DCBLD1: variants seen among roughly 807,000 people sequenced by gnomAD.
DCBLD1 encodes discoidin, CUB and LCCL domain containing 1.
In DCBLD1, 57 loss-of-function variants were observed where a neutral mutation model predicts 71.5. That is an observed-to-expected ratio of 0.80 (90% confidence interval 0.64 to 0.99). The LOEUF (loss-of-function observed/expected upper bound fraction) is 0.99. DCBLD1 is among the 50% of genes least tolerant of loss of function. The pLI is 0.00. For synonymous variants in DCBLD1, 380 were observed against 363.8 expected, an observed-to-expected ratio of 1.04 and a Z score of -0.51; for missense variants, 891 against 923.5, an observed-to-expected ratio of 0.96 and a Z score of 0.46.
intron 1 of DCBLD1, among the ~76,000 whole-genome samples, chr6:117,494,589 G>GT (rs370543568): frequency 1.6e-3 from 238 of 147,118 alleles, no homozygotes; most frequent in Middle Eastern, 3.6e-3. Flanking sequence ...GTACAAACAA[G>GT]TTTTTTTTTT....
intron 6 of DCBLD1, among the ~76,000 whole-genome samples, chr6:117,533,773 C>T (rs947447821): frequency 6.6e-6 from 1 of 152,028 alleles, no homozygotes; most frequent in Non-Finnish European, 1.5e-5. Flanking sequence ...GACTGAGGAG[C>T]AATGTTAGAG....
At chr6:117,488,601 T>C (rs900225458) in intron 1 of DCBLD1, among the ~76,000 whole-genome samples, 1 of 152,144 alleles carries the variant, frequency 6.6e-6, no homozygotes, top group Non-Finnish European at 1.5e-5. Flanking sequence ...GCTGTGATGC[T>C]GCCACCGTAC....
At chr6:117,563,510 T>C in intron 14 of DCBLD1, 3 of 836,418 alleles carry the variant, frequency 3.6e-6, no homozygotes, top group Non-Finnish European at 5.7e-6. Context: ...TAACCTGAGG[T>C]TAGGGGTTCG....
Position 117,548,667 on chromosome 6 carries a change from G to T in DCBLD1, c.*228G>T, listed in dbSNP as rs1309559005. ...GGGTGCGTCTGTTGGGTTTTGTTGG[G>T]CTAGAAAAATGAAAATTTTCAGATG... is the stretch of plus-strand genomic sequence containing the variant. On this transcript the variant is annotated 3_prime_UTR_variant, in exon 15 of 15. Transcript: ENST00000338728. The T allele has an allele frequency of 2.1e-6, 3 of 1,414,414 alleles. No individual in the cohort carries two copies. Among genetic ancestry groups the T allele is most frequent in the Non-Finnish European group, 2.7e-6 (3 of 1,090,918 alleles). The allele number at this position is 1,414,414 out of a possible 1,614,324, so 87.6% of individuals were successfully genotyped here.
intron 14 of DCBLD1, chr6:117,560,635 CGTCT>C: frequency 5.1e-6 from 1 of 195,226 alleles, no homozygotes; most frequent in Non-Finnish European, 1.1e-5. Context: ...ACAAAATTTT[CGTCT>C]TTCTCAAATT....
Position 117,485,802 on chromosome 6 carries a change from TTTTG to T in DCBLD1, c.112+2913_112+2916del, listed in dbSNP as rs557614614. On this transcript the variant is annotated intron_variant, in intron 1 of 14. Coordinates refer to ENST00000338728, the MANE Select transcript of DCBLD1 (RefSeq NM_001366458.2). Reference sequence around the variant, plus strand: ...TACATCTGCTGCTTCTACTAATTAATTTTGTTTATCAAGCCCAGCTCTCTTGGCA... The same window carrying T: ...TACATCTGCTGCTTCTACTAATTAATTTTATCAAGCCCAGCTCTCTTGGCA... Among the ~76,000 whole-genome samples the T allele has an allele frequency of 7.0e-3, 1,074 of 152,346 alleles. 8 individuals are homozygous for T. The highest frequency in any genetic ancestry group is 0.012 in the Non-Finnish European group (784 of 68,026).
rs1249296096 is a variant in DCBLD1 at position 117,532,346 on chromosome 6, G to A, written c.672G>A (p.Gly224=). 6.2e-7 allele frequency: 1 copy of A among 1,613,454 alleles called. No homozygotes were observed. The highest frequency in any genetic ancestry group is 8.5e-7 in the Non-Finnish European group (1 of 1,179,826). Reference sequence around the variant, plus strand: ...AGATCAGTGTGCTTCAGCGCAAAGGGATCAGTCGATATGAAGGGATTCTGG... The same window carrying A: ...AGATCAGTGTGCTTCAGCGCAAAGGAATCAGTCGATATGAAGGGATTCTGG... ...GGQISVLQRK[G]ISRYEGILAN... is the part of the protein sequence containing the mutation. Residue 224 remains glycine (G), a synonymous_variant, in exon 6 of 15, where the codon GGG becomes GGA. Coordinates refer to ENST00000338728, the MANE Select transcript of DCBLD1 (RefSeq NM_001366458.2).
rs140767408 is a variant in DCBLD1 at position 117,499,083 on chromosome 6, T to C, written c.113-4684T>C. 2.5e-3 allele frequency among the ~76,000 whole-genome samples: 385 copies of C among 151,716 alleles called. 2 individuals carry two copies. The highest frequency in any genetic ancestry group is 0.014 in the Middle Eastern group (4 of 294). On this transcript the variant is annotated intron_variant, in intron 1 of 14. Coordinates refer to ENST00000338728, the MANE Select transcript of DCBLD1 (RefSeq NM_001366458.2). The stretch of plus-strand genomic sequence containing the variant: ...ACTGTATTTCATAGAGAGCTTTTTT[T>C]TGCAGATCTGTTTAATGCTTTAATT...
intron 11 of DCBLD1, among the ~76,000 whole-genome samples, chr6:117,542,910 G>C (rs1303330855): frequency 2.6e-5 from 4 of 152,094 alleles, no homozygotes; most frequent in African/African-American, 7.2e-5. Flanking sequence ...ACTGTCTCTG[G>C]GGGGCTGGGG....
chr6:117,540,434 G>A (rs915962713), intron 9 of DCBLD1: 20 of 476,846 alleles, frequency 4.2e-5, no homozygotes, highest in Non-Finnish European at 7.1e-5. Flanking sequence ...GGCAATTTTA[G>A]CTTCTTTATC....
At chr6:117,545,304 T>C (rs1444444350) in intron 13 of DCBLD1, among the ~76,000 whole-genome samples, 174 bp from the exon 14 acceptor site, 1 of 152,150 alleles carries the variant, frequency 6.6e-6, no homozygotes, top group Non-Finnish European at 1.5e-5. Context: ...TAGTGTTTGC[T>C]GTTGTGGTTA....
intron 6 of DCBLD1, among the ~76,000 whole-genome samples, chr6:117,533,528 TTTAAGTGTA>T (rs1778791694): frequency 1.3e-5 from 2 of 152,248 alleles, no homozygotes; most frequent in African/African-American, 2.4e-5. Context: ...CTACTTTTTA[TTTAAGTGTA>T]TTTTAGTTAG....
At chr6:117,559,427 G>A (rs546680328) in intron 14 of DCBLD1, among the ~76,000 whole-genome samples, 106 of 152,324 alleles carry the variant, frequency 7.0e-4, no homozygotes, top group African/African-American at 2.5e-3. Flanking sequence ...GAGTGCTCCA[G>A]CTAAAGTTGA....
chr6:117,504,075 G>A (rs1190181480), intron 2 of DCBLD1, 96 bp downstream of exon 2: 2 of 1,312,712 alleles, frequency 1.5e-6, no homozygotes, highest in African/African-American at 1.5e-5. Flanking sequence ...ATCATGAGAA[G>A]ATTAGAAGAG....
At chr6:117,547,826 G>C in intron 14 of DCBLD1, 81 bp from the exon 15 acceptor site, 1 of 1,547,986 alleles carries the variant, frequency 6.5e-7, no homozygotes, top group Non-Finnish European at 8.7e-7. Context: ...ACCACGACCT[G>C]AAGCAGAGTA....
chr6:117,521,474 G>GAA, intron 3 of DCBLD1, 51 bp from the exon 4 acceptor site: 1 of 1,418,278 alleles, frequency 7.1e-7, no homozygotes, highest in Non-Finnish European at 9.7e-7. Context: ...CAGCATGAGT[G>GAA]TCCTAGTTTT....
chr6:117,569,628 C>T (rs187297771), exon 15 of DCBLD1: 25 of 1,613,056 alleles, frequency 1.5e-5, no homozygotes, highest in Middle Eastern at 1.7e-4. Context: ...AGGTTAACTC[C>T]GTTGACTGCC....
chr6:117,539,442 C>G, intron 9 of DCBLD1, 63 bp downstream of exon 9: 2 of 1,503,084 alleles, frequency 1.3e-6, no homozygotes, highest in Non-Finnish European at 8.9e-7. Context: ...ATATTTTCAT[C>G]AATGTGTTTA....
chr6:117,550,430 C>T (rs1217676117), downstream of DCBLD1, among the ~76,000 whole-genome samples: 2 of 152,278 alleles, frequency 1.3e-5, no homozygotes, highest in Non-Finnish European at 1.5e-5. Flanking sequence ...GTGAATGAGA[C>T]AATTCTAATT....
Sources: gnomAD v4.1 joint callset for allele counts (sites outside exome capture counted in the v4.1 genomes callset) on GRCh38, gnomAD v4.1.1 for gene constraint, MANE v1.5 for transcripts, NCBI Gene and HGNC (gene_info 2026-07-23, HGNC 2026-07-21) for gene names.